Variants in GPC6 observed in about 807,000 individuals in gnomAD.
GPC6 encodes the protein glypican-6.
GPC6 carries 14 observed loss-of-function variants against 55.2 expected under a neutral mutation model. The observed-to-expected ratio is 0.25, with a 90% CI of 0.17 to 0.40. The LOEUF is 0.40. GPC6 is among the 10% of genes least tolerant of loss of function. GPC6 has a pLI of 1.00. For synonymous variants in GPC6, 278 were observed against 259.6 expected (o/e 1.07, Z -0.68); for missense variants, 641 against 708.5 (o/e 0.90, Z 1.08).
chr13:93,652,361 C>T (rs969212643), intron 2 of GPC6, among the ~76,000 whole-genome samples: 2 of 152,110 alleles, frequency 1.3e-5, no homozygotes, highest in Non-Finnish European at 2.9e-5. Context: ...TTATGTCTTT[C>T]CCCATTACCT....
chr13:93,516,411 T>C (rs186488988), intron 1 of GPC6, among the ~76,000 whole-genome samples: 1 of 152,232 alleles, frequency 6.6e-6, no homozygotes, highest in Admixed American at 6.6e-5. Context: ...CAGGGAAGAA[T>C]GCCCAGAATT....
intron 4 of GPC6, among the ~76,000 whole-genome samples, chr13:94,030,376 G>C (rs1883079826): frequency 6.6e-6 from 1 of 151,930 alleles, no homozygotes; most frequent in Non-Finnish European, 1.5e-5. Flanking sequence ...CCTTCTTTGG[G>C]TTCTGCTGTG....
rs866890968 is a variant in GPC6 at position 93,415,014 on chromosome 13, A to G, written c.161-130249A>G. Among the ~76,000 whole-genome samples, 4 of 152,282 alleles carry G rather than the reference A, an allele frequency of 2.6e-5. No individual in the cohort carries two copies. In the Middle Eastern group the frequency reaches 0.014, roughly 518 times the overall value. ...TTTGTGATAAACAAACACAGTTAACATTTGGTTGATAGCCTCCGGGGCTTT... is the reference window on the plus strand; with the variant it reads ...TTTGTGATAAACAAACACAGTTAACGTTTGGTTGATAGCCTCCGGGGCTTT... On this transcript the variant is annotated intron_variant, in intron 1 of 8. Transcript: ENST00000377047.
intron 4 of GPC6, among the ~76,000 whole-genome samples, chr13:94,285,608 T>A (rs1293596883): frequency 6.6e-6 from 1 of 152,182 alleles, no homozygotes; most frequent in Non-Finnish European, 1.5e-5. Flanking sequence ...CCTTAAAACG[T>A]GTCCTTTTTC....
intron 3 of GPC6, among the ~76,000 whole-genome samples, chr13:93,839,564 G>C (rs137889442): frequency 6.6e-6 from 1 of 152,170 alleles, no homozygotes; most frequent in East Asian, 1.9e-4. Flanking sequence ...GCTTATCACC[G>C]TTTACACTGC....
chr13:93,276,491 AGAGAGTGTGTGTGT>A (rs796547224), intron 1 of GPC6, among the ~76,000 whole-genome samples: 17,345 of 125,472 alleles, frequency 0.14, 678 homozygotes, highest in East Asian at 0.2. Context: ...AGAGAGAGAG[AGAGAGTGTGTGTGT>A]GTGTGTGTGT....
At chr13:93,329,013 C>G (rs759420888) in intron 1 of GPC6, among the ~76,000 whole-genome samples, 1 of 152,102 alleles carries the variant, frequency 6.6e-6, no homozygotes, top group Non-Finnish European at 1.5e-5. Context: ...GTTGTTGGAT[C>G]TGTGTGTTTT....
intron 2 of GPC6, among the ~76,000 whole-genome samples, chr13:93,786,638 C>A (rs1885822968): frequency 6.6e-6 from 1 of 150,602 alleles, no homozygotes; most frequent in Non-Finnish European, 1.5e-5. Flanking sequence ...TGTTTGACGA[C>A]TGAAAACTTG....
chr13:93,665,957 C>A (rs189747560), intron 2 of GPC6, among the ~76,000 whole-genome samples: 3 of 152,248 alleles, frequency 2.0e-5, no homozygotes, highest in Admixed American at 2.0e-4. Flanking sequence ...GTGCTATACC[C>A]GTAAGTCAGG....
intron 1 of GPC6, among the ~76,000 whole-genome samples, chr13:93,248,424 G>C (rs1876674633): frequency 6.8e-6 from 1 of 147,236 alleles, no homozygotes; most frequent in Non-Finnish European, 1.5e-5. Flanking sequence ...ACTTTAAAAG[G>C]CCCACAAAAA....
intron 1 of GPC6, among the ~76,000 whole-genome samples, chr13:93,517,489 T>C (rs969097541): frequency 6.6e-6 from 1 of 152,146 alleles, no homozygotes; most frequent in African/African-American, 2.4e-5. Flanking sequence ...TTGTTTGTTA[T>C]TTGTTTGAAA....
chr13:93,358,069 C>T (rs185744475), intron 1 of GPC6, among the ~76,000 whole-genome samples: 5 of 152,130 alleles, frequency 3.3e-5, no homozygotes, highest in East Asian at 1.9e-4. Flanking sequence ...TAACATTGGC[C>T]GGGTACGGTG....
At chr13:93,583,934 C>G (rs775119347) in intron 2 of GPC6, among the ~76,000 whole-genome samples, 72 of 152,224 alleles carry the variant, frequency 4.7e-4, no homozygotes, top group African/African-American at 1.7e-3. Flanking sequence ...CCAGAGAAAA[C>G]CTCCTACTCA....
In GPC6 at chr13:93,283,653, C is replaced by T. The variant is rs146379405; in HGVS notation, c.160+56037C>T. Among the ~76,000 whole-genome samples, 1,026 of 152,262 alleles carry T rather than the reference C, an allele frequency of 6.7e-3. 7 individuals carry two copies. Among genetic ancestry groups the T allele is most frequent in the South Asian group, 0.021 (101 of 4,828 alleles). ...TGGTGAATGTGAGAAATTACATGTG[C>T]GGTCTCTGTTTAGTTACACGTAATA... is the stretch of plus-strand genomic sequence containing the variant. On this transcript the variant is annotated intron_variant, in intron 1 of 8. Coordinates refer to ENST00000377047, the MANE Select transcript of GPC6 (RefSeq NM_005708.5).
At chr13:93,792,025 T>C (rs1274528708) in intron 2 of GPC6, among the ~76,000 whole-genome samples, 1 of 152,252 alleles carries the variant, frequency 6.6e-6, no homozygotes, top group African/African-American at 2.4e-5. Flanking sequence ...TTTAAAGTAG[T>C]ACCAATGTGA....
chr13:93,259,665 T>A (rs542333389), intron 1 of GPC6, among the ~76,000 whole-genome samples: 55 of 152,258 alleles, frequency 3.6e-4, no homozygotes, highest in African/African-American at 1.2e-3. Flanking sequence ...ATTTCTAGGG[T>A]AGGAGACATC....
chr13:93,972,927 G>GTCTCTCTCTCTCTCTCTGTCTT, intron 3 of GPC6, among the ~76,000 whole-genome samples: 1 of 136,812 alleles, frequency 7.3e-6, no homozygotes, highest in East Asian at 2.2e-4. Context: ...CTGTCTCTCT[G>GTCTCTCTCTCTCTCTCTGTCTT]TCTCTCTCTC....
intron 3 of GPC6, among the ~76,000 whole-genome samples, chr13:93,990,878 A>AAAAG (rs1259842922): frequency 4.0e-5 from 6 of 150,740 alleles, no homozygotes; most frequent in Admixed American, 6.7e-5. Flanking sequence ...AAAGAGGGAG[A>AAAAG]AAAGAAAGAA....
intron 1 of GPC6, among the ~76,000 whole-genome samples, chr13:93,514,921 T>C (rs894708594): frequency 6.6e-6 from 1 of 152,166 alleles, no homozygotes; most frequent in African/African-American, 2.4e-5. Context: ...ACATAACTCA[T>C]TGCTATGGGC....
Sources: gnomAD v4.1 joint callset for allele counts (sites outside exome capture counted in the v4.1 genomes callset) on GRCh38, gnomAD v4.1.1 for gene constraint, MANE v1.5 for transcripts, NCBI Gene and HGNC (gene_info 2026-07-23, HGNC 2026-07-21) for gene names.